KCNC2: variants seen among roughly 807,000 people sequenced by gnomAD.
KCNC2 encodes voltage-gated potassium channel KCNC2.
Under a neutral mutation model 44.5 loss-of-function variants are expected in KCNC2, and 21 were observed. The ratio of observed to expected loss-of-function variants is 0.47; its 90% CI spans 0.33 to 0.68. KCNC2 has a LOEUF of 0.68. Among genes scored for constraint, KCNC2 ranks in the 30% least tolerant of loss-of-function variants. The probability of loss-of-function intolerance (pLI) is 0.01; values close to 1 mark genes in which losing one functional copy is unlikely to be tolerated. For missense variants in KCNC2, 589 were observed against 826.2 expected (o/e 0.71, Z 3.52); for synonymous variants, 391 against 339.1 (o/e 1.15, Z -1.68).
At chr12:75,181,489 C>T (rs1892568911) in intron 2 of KCNC2, among the ~76,000 whole-genome samples, 2 of 152,136 alleles carry the variant, frequency 1.3e-5, no homozygotes, top group Non-Finnish European at 2.9e-5. Context: ...ACTAAGTATA[C>T]CGCACCTTCC....
At chr12:75,091,797 C>T (rs1457898016) in intron 2 of KCNC2, among the ~76,000 whole-genome samples, 1 of 151,272 alleles carries the variant, frequency 6.6e-6, no homozygotes, top group Non-Finnish European at 1.5e-5. Flanking sequence ...CAATAGAATA[C>T]TATAAGGATT....
chr12:75,118,871 A>T (rs973254999), intron 2 of KCNC2, among the ~76,000 whole-genome samples: 7 of 152,160 alleles, frequency 4.6e-5, no homozygotes, highest in African/African-American at 1.7e-4. Context: ...ACAGAATATA[A>T]TAGAGATTAA....
chr12:75,083,746 C>T (rs966605201), intron 2 of KCNC2, among the ~76,000 whole-genome samples: 4 of 151,792 alleles, frequency 2.6e-5, no homozygotes, highest in African/African-American at 9.7e-5. Context: ...ATATTTGTAA[C>T]TCAGAATAAA....
intron 2 of KCNC2, among the ~76,000 whole-genome samples, chr12:75,111,086 G>C (rs1256764040): frequency 6.6e-6 from 1 of 151,946 alleles, no homozygotes; most frequent in Non-Finnish European, 1.5e-5. Context: ...CAATGAGAAT[G>C]TTTAAAAATT....
In KCNC2 at chr12:75,128,922, T is replaced by A. The variant is rs565578015; in HGVS notation, c.688-77605A>T. On this transcript the variant is annotated intron_variant, in intron 2 of 4. Coordinates refer to ENST00000549446, the MANE Select transcript of KCNC2 (RefSeq NM_139137.4). ...TTCTCAGCATTTCAATTGATATTGA[T>A]CCCTGAAACTAAGGTCAGGCTGTCA... Among the ~76,000 whole-genome samples, 3 of 152,332 alleles carry A rather than the reference T, an allele frequency of 2.0e-5. No homozygotes were observed. In the East Asian group the frequency reaches 5.8e-4, roughly 29 times the overall value.
chr12:75,046,158 G>A (rs1880486473), intron 4 of KCNC2, among the ~76,000 whole-genome samples: 2 of 151,500 alleles, frequency 1.3e-5, no homozygotes, highest in Non-Finnish European at 3.0e-5. Context: ...AAAAAGAGTT[G>A]ATTATGATAA....
chr12:75,086,024 T>A (rs1414309943), intron 2 of KCNC2, among the ~76,000 whole-genome samples: 3 of 152,048 alleles, frequency 2.0e-5, no homozygotes, highest in Non-Finnish European at 4.4e-5. Context: ...GTTCTAAAAC[T>A]GACAATTTTA....
At chr12:75,108,831 A>G (rs890529025) in intron 2 of KCNC2, among the ~76,000 whole-genome samples, 2 of 152,224 alleles carry the variant, frequency 1.3e-5, no homozygotes, top group Non-Finnish European at 2.9e-5. Context: ...TGAGATTCAA[A>G]CTATCAAACA....
chr12:75,155,621 T>G (rs12301672), intron 2 of KCNC2, among the ~76,000 whole-genome samples: 31,719 of 151,552 alleles, frequency 0.21, 3,546 homozygotes, highest in Admixed American at 0.26. Flanking sequence ...GTTCATGTAC[T>G]ACATTTGCCC....
intron 2 of KCNC2, among the ~76,000 whole-genome samples, chr12:75,175,206 G>A (rs1204413310): frequency 6.6e-6 from 1 of 151,942 alleles, no homozygotes; most frequent in Non-Finnish European, 1.5e-5. Flanking sequence ...TGAGGTGAGA[G>A]AGGCATTAGC....
intron 2 of KCNC2, among the ~76,000 whole-genome samples, chr12:75,179,500 G>GT (rs1338272361): frequency 6.6e-6 from 1 of 151,412 alleles, no homozygotes; most frequent in Non-Finnish European, 1.5e-5. Context: ...AACTCAACAT[G>GT]TTTTTTTATT....
At chr12:75,048,415 T>C (rs1880784759) in intron 3 of KCNC2, 98 bp from the exon 4 acceptor site, 6 of 890,524 alleles carry the variant, frequency 6.7e-6, no homozygotes, top group East Asian at 5.8e-5. Flanking sequence ...AGTCACTCGA[T>C]ATACAACACA....
intron 2 of KCNC2, among the ~76,000 whole-genome samples, chr12:75,138,887 A>G (rs944765999): frequency 1.3e-5 from 2 of 148,892 alleles, no homozygotes; most frequent in East Asian, 4.4e-4. Flanking sequence ...AGGCTGAGTC[A>G]GGAGAATGGC....
At chr12:75,152,698 C>T (rs754893374) in intron 2 of KCNC2, among the ~76,000 whole-genome samples, 44 of 151,878 alleles carry the variant, frequency 2.9e-4, no homozygotes, top group Non-Finnish European at 5.6e-4. Flanking sequence ...GGGAAGTAAA[C>T]AGCTAGAATT....
At chr12:75,050,367 A>C (rs1350466670) in intron 3 of KCNC2, 23 bp downstream of exon 3, 1 of 1,502,928 alleles carries the variant, frequency 6.7e-7, no homozygotes, top group African/African-American at 1.4e-5. Context: ...ATTTAATAAC[A>C]TGCATTTGAA....
chr12:75,105,926 T>A (rs1485477039), intron 2 of KCNC2, among the ~76,000 whole-genome samples: 1 of 151,756 alleles, frequency 6.6e-6, no homozygotes, highest in East Asian at 1.9e-4. Context: ...TTTTTTTTTT[T>A]AGACTTGGGG....
At chr12:75,102,318 CT>C (rs923318634) in intron 2 of KCNC2, among the ~76,000 whole-genome samples, 4 of 151,172 alleles carry the variant, frequency 2.6e-5, no homozygotes, top group East Asian at 1.9e-4. Flanking sequence ...AAATCTGACT[CT>C]TTTTTTTTCC....
chr12:75,067,991 T>C (rs1015387055), intron 2 of KCNC2, among the ~76,000 whole-genome samples: 2 of 152,216 alleles, frequency 1.3e-5, no homozygotes, highest in African/African-American at 4.8e-5. Context: ...ATGGAGTTTA[T>C]CTTTTAGGCA....
At chr12:75,057,037 A>G (rs1269598295) in intron 2 of KCNC2, among the ~76,000 whole-genome samples, 4 of 152,006 alleles carry the variant, frequency 2.6e-5, no homozygotes, top group Non-Finnish European at 5.9e-5. Context: ...ATGTCTGAAA[A>G]GTTAAAATTC....
Sources: allele counts gnomAD v4.1 joint callset (sites outside exome capture counted in the v4.1 genomes callset), GRCh38; gene constraint gnomAD v4.1.1; transcripts MANE v1.5; gene names NCBI Gene and HGNC (gene_info 2026-07-23, HGNC 2026-07-21).